RANBP3: variants seen among roughly 807,000 people sequenced by gnomAD.
RANBP3 encodes the protein ran-binding protein 3.
RANBP3 carries 14 observed loss-of-function variants against 77.3 expected under a neutral mutation model. The observed-to-expected ratio is 0.18, with a 90% CI of 0.12 to 0.28. The LOEUF (loss-of-function observed/expected upper bound fraction) is 0.28. RANBP3 is among the 10% of genes least tolerant of loss of function. The pLI is 1.00. For synonymous variants in RANBP3, 315 were observed against 312.4 expected, an observed-to-expected ratio of 1.01 and a Z score of -0.09; for missense variants, 586 against 752.3, an observed-to-expected ratio of 0.78 and a Z score of 2.59.
intron 10 of RANBP3, 110 bp from the exon 11 acceptor site, chr19:5,925,015 CT>C: frequency 1.3e-5 from 13 of 977,748 alleles, no homozygotes; most frequent in Middle Eastern, 2.4e-4. Flanking sequence ...GTGGAGGGGC[CT>C]CCGCCACTGT....
At chr19:5,946,622 T>C (rs1385168162) in intron 3 of RANBP3, among the ~76,000 whole-genome samples, 3 of 152,068 alleles carry the variant, frequency 2.0e-5, no homozygotes, top group African/African-American at 7.2e-5. Context: ...TCTTCTAGAA[T>C]CCTAACCCGC....
At chr19:5,929,431 G>C (rs1175672664) in intron 8 of RANBP3, among the ~76,000 whole-genome samples, 1 of 152,248 alleles carries the variant, frequency 6.6e-6, no homozygotes, top group African/African-American at 2.4e-5. Context: ...CGGGTGGGTG[G>C]AGCCCACAGA....
At chr19:5,956,528 T>G (rs1256627422) in intron 2 of RANBP3, among the ~76,000 whole-genome samples, 1 of 152,176 alleles carries the variant, frequency 6.6e-6, no homozygotes, top group Non-Finnish European at 1.5e-5. Flanking sequence ...GGATTGCTTC[T>G]TCAGCAAAAA....
At chr19:5,944,838 T>C (rs1396169651) in intron 3 of RANBP3, among the ~76,000 whole-genome samples, 2 of 152,164 alleles carry the variant, frequency 1.3e-5, no homozygotes, top group African/African-American at 4.8e-5. Context: ...TCTAGACTTT[T>C]CTCTCCCCTT....
intron 3 of RANBP3, among the ~76,000 whole-genome samples, chr19:5,943,463 G>GT (rs1218068415): frequency 6.6e-6 from 1 of 152,182 alleles, no homozygotes; most frequent in African/African-American, 2.4e-5. Context: ...ATATATTCTT[G>GT]TTTTTGCTTT....
rs2057846140 is a variant in RANBP3, at chr19:5,923,041, G to A, written c.1209+153C>T. Among the ~76,000 whole-genome samples, 1 of 152,172 alleles carries A rather than the reference G, an allele frequency of 6.6e-6. No homozygotes were observed. Among genetic ancestry groups the A allele is most frequent in the Non-Finnish European group, 1.5e-5 (1 of 68,026 alleles). Reference sequence around the variant, plus strand: ...CTGAGCCTAAGCTCTCTCTACAAACGCCACCAACAAAGTCCCAGAGCGTGG... The same window carrying A: ...CTGAGCCTAAGCTCTCTCTACAAACACCACCAACAAAGTCCCAGAGCGTGG... On this transcript the variant is annotated intron_variant, in intron 13 of 16. Transcript: ENST00000340578.
intron 13 of RANBP3, among the ~76,000 whole-genome samples, chr19:5,922,296 C>T (rs1332610404): frequency 6.6e-6 from 1 of 152,140 alleles, no homozygotes; most frequent in Non-Finnish European, 1.5e-5. Flanking sequence ...TTTCCACATA[C>T]CCCCTAAGTC....
At chr19:5,918,722 A>G in intron 14 of RANBP3, 84 bp from the exon 15 acceptor site, 2 of 1,513,906 alleles carry the variant, frequency 1.3e-6, no homozygotes, top group Non-Finnish European at 1.8e-6. Flanking sequence ...CACAGTCCAG[A>G]TGGAAAGCGA....
chr19:5,956,206 A>T (rs537699207), intron 2 of RANBP3, among the ~76,000 whole-genome samples: 1 of 152,352 alleles, frequency 6.6e-6, no homozygotes, highest in East Asian at 1.9e-4. Context: ...TTTGTTTTAA[A>T]CTAAAAATGG....
rs779753378 is a variant in RANBP3 at position 5,923,274 on chromosome 19, T to C, written c.1129A>G (p.Thr377Ala). The C allele has an allele frequency of 3.1e-6, 5 of 1,614,228 alleles. No homozygotes were observed. The highest frequency in any genetic ancestry group is 2.2e-5 in the East Asian group (1 of 44,884). The part of the protein sequence containing the change: ...ESLAESAAAY[T>A]KATARKCLLE... ...AAACACTTCCGCGCTGTTGCCTTGGTGTAGGCGGCTGCCGACTCAGCCAGG... is the reference window on the plus strand; with the variant it reads ...AAACACTTCCGCGCTGTTGCCTTGGCGTAGGCGGCTGCCGACTCAGCCAGG... The change falls in exon 13 of 17, where the codon ACC becomes GCC. Residue 377 changes from threonine (T) to alanine (A), a missense_variant. Thr to Ala is a moderately conservative substitution (Grantham distance 58). Around this residue, in one of 5 missense-constraint regions of RANBP3, gnomAD observed 51 missense variants for 123.2 expected, o/e 0.41. Transcript: ENST00000340578.
intron 1 of RANBP3, among the ~76,000 whole-genome samples, chr19:5,962,524 C>T (rs2058416670): frequency 6.6e-6 from 1 of 152,106 alleles, no homozygotes. Context: ...TCACACGCCG[C>T]AAGGACAAGG....
At chr19:5,977,655 C>T (rs1212467992) in intron 1 of RANBP3, among the ~76,000 whole-genome samples, 1 of 144,318 alleles carries the variant, frequency 6.9e-6, no homozygotes, top group Non-Finnish European at 1.5e-5. Context: ...TGCCGGGTGG[C>T]GGAGGACGAG....
chr19:5,967,365 C>T (rs2058480031), intron 1 of RANBP3, among the ~76,000 whole-genome samples: 1 of 152,210 alleles, frequency 6.6e-6, no homozygotes, highest in African/African-American at 2.4e-5. Flanking sequence ...CTTCAACTAC[C>T]GAACTCCAAG....
chr19:5,918,556 C>G lies in RANBP3; in HGVS notation c.1413G>C (p.Lys471Asn), dbSNP rs371183181. The change falls in exon 15 of 17, where the codon AAG becomes AAC. Residue 471 changes from lysine (K) to asparagine (N), a missense_variant. By Grantham distance (94) the Lys-to-Asn change is moderately conservative (BLOSUM62 0). Coordinates refer to ENST00000340578, the MANE Select transcript of RANBP3 (RefSeq NM_007322.3). ...AQMQIDKASE[K>N]SIRITAMDTE... ...TGTCCATGGCTGTGATGCGAATGCTCTTCTCGCTGGCCTTGTCGATCTGCA... is the reference window on the plus strand; with the variant it reads ...TGTCCATGGCTGTGATGCGAATGCTGTTCTCGCTGGCCTTGTCGATCTGCA... The G allele has an allele frequency of 6.2e-7, 1 of 1,613,830 alleles. No homozygotes were observed. The highest frequency in any genetic ancestry group is 1.1e-5 in the South Asian group (1 of 91,064).
chr19:5,938,276 A>G (rs2058091615), intron 5 of RANBP3, among the ~76,000 whole-genome samples: 1 of 152,178 alleles, frequency 6.6e-6, no homozygotes, highest in Non-Finnish European at 1.5e-5. Flanking sequence ...TAAATCTTTT[A>G]TGAGGAATTT....
intron 15 of RANBP3, 110 bp downstream of exon 15, chr19:5,918,386 A>AGGGGGGGGGGGGGGGGGGG: frequency 1.6e-6 from 1 of 617,696 alleles, no homozygotes; most frequent in Non-Finnish European, 2.5e-6. Context: ...GAAGCAACTG[A>AGGGGGGGGGGGGGGGGGGG]AGCCCCTCCC....
chr19:5,972,640 T>G (rs544583319), intron 1 of RANBP3, among the ~76,000 whole-genome samples: 2 of 152,288 alleles, frequency 1.3e-5, no homozygotes, highest in East Asian at 3.9e-4. Flanking sequence ...AACGGCGCTC[T>G]CTTCTCAGAT....
chr19:5,956,446 T>C (rs2058335905), intron 2 of RANBP3, among the ~76,000 whole-genome samples: 2 of 152,116 alleles, frequency 1.3e-5, no homozygotes, highest in Admixed American at 1.3e-4. Context: ...GGAGAGGAGA[T>C]AGCAGAGGCA....
At chr19:5,970,698 A>C (rs1041627364) in intron 1 of RANBP3, among the ~76,000 whole-genome samples, 1 of 152,140 alleles carries the variant, frequency 6.6e-6, no homozygotes, top group Admixed American at 6.5e-5. Flanking sequence ...CTTTCTCTCT[A>C]CTCAGGCATC....
Sources: gnomAD v4.1 joint callset for allele counts (sites outside exome capture counted in the v4.1 genomes callset) on GRCh38, gnomAD v4.1.1 for gene constraint, gnomAD v4.1.1 regional missense constraint, MANE v1.5 for transcripts, NCBI Gene and HGNC (gene_info 2026-07-23, HGNC 2026-07-21) for gene names.